KY: variants seen among roughly 807,000 people sequenced by gnomAD.
KY encodes the protein kyphoscoliosis peptidase.
Under a neutral mutation model 76.1 loss-of-function variants are expected in KY, and 43 were observed. The ratio of observed to expected loss-of-function variants is 0.57; its 90% CI spans 0.44 to 0.73. The LOEUF (loss-of-function observed/expected upper bound fraction) is 0.73. KY is among the 30% of genes least tolerant of loss of function. The pLI, the probability that KY is intolerant of heterozygous loss-of-function variation, is 0.00. For missense variants in KY, 722 were observed against 828.9 expected (o/e 0.87, Z 1.58); for synonymous variants, 277 against 326.2 (o/e 0.85, Z 1.63).
intron 2 of KY, among the ~76,000 whole-genome samples, chr3:134,643,825 GCTT>G (rs1966081862): frequency 2.5e-5 from 3 of 121,916 alleles, no homozygotes; most frequent in South Asian, 6.9e-4. Flanking sequence ...TGAGTCTCCT[GCTT>G]CTTTTTTTTT....
Position 134,608,987 on chromosome 3 carries a change from T to C in KY, c.900-148A>G, listed in dbSNP as rs555168643. 1.5e-5 allele frequency: 14 copies of C among 909,312 alleles called. No homozygotes were observed. In the South Asian group the frequency reaches 2.3e-4, roughly 15 times the overall value. 56.3% of individuals were successfully genotyped at this position (909,312 alleles called of 1,614,324 possible). On this transcript the variant is annotated intron_variant, in intron 9 of 10. Transcript: ENST00000423778. ...ATGGGCACTGGAGACTCCTCCTCAGTGGATGCTTCCAGAAATTGTAGTCAA... is the reference window on the plus strand; with the variant it reads ...ATGGGCACTGGAGACTCCTCCTCAGCGGATGCTTCCAGAAATTGTAGTCAA...
At chr3:134,648,205 T>C (rs2108045536) in intron 1 of KY, among the ~76,000 whole-genome samples, 1 of 152,326 alleles carries the variant, frequency 6.6e-6, no homozygotes, top group African/African-American at 2.4e-5. Context: ...TGCTCCTTGG[T>C]GGCCGAGGAG....
At chr3:134,619,314 G>A in intron 7 of KY, 49 bp from the exon 8 acceptor site, 1 of 1,414,422 alleles carries the variant, frequency 7.1e-7, no homozygotes, top group Non-Finnish European at 1.0e-6. Flanking sequence ...TGGGAGGCGA[G>A]AAGACTCCAC....
chr3:134,612,566 G>A (rs925625390), intron 8 of KY, among the ~76,000 whole-genome samples: 2 of 152,170 alleles, frequency 1.3e-5, no homozygotes, highest in African/African-American at 4.8e-5. Context: ...CAAGGCCAGA[G>A]GAGTGGGTAG....
intron 2 of KY, among the ~76,000 whole-genome samples, chr3:134,647,176 C>T (rs1354953304): frequency 6.6e-6 from 1 of 152,228 alleles, no homozygotes; most frequent in Non-Finnish European, 1.5e-5. Context: ...TCCCCTACGG[C>T]TCAGCCAGCA....
intron 2 of KY, among the ~76,000 whole-genome samples, chr3:134,645,146 G>A (rs907906508): frequency 1.3e-5 from 2 of 152,200 alleles, no homozygotes; most frequent in African/African-American, 4.8e-5. Context: ...GTGCTACTAG[G>A]CAGACTTTGT....
chr3:134,650,461 C>T (rs1028454327), intron 1 of KY, among the ~76,000 whole-genome samples: 4 of 152,172 alleles, frequency 2.6e-5, no homozygotes, highest in Admixed American at 2.6e-4. Flanking sequence ...GGGGAGCAGG[C>T]CTCTGCTACC....
At chr3:134,621,954 A>AT (rs1390732700) in intron 6 of KY, among the ~76,000 whole-genome samples, 16 of 152,374 alleles carry the variant, frequency 1.1e-4, no homozygotes, top group Non-Finnish European at 2.9e-5. Context: ...CAATAAGCAC[A>AT]TAAAAAAAAG....
In KY at chr3:134,610,401, G is replaced by T. The variant is rs559581656; in HGVS notation, c.711-18C>A. 1 of 1,600,024 alleles carries T rather than the reference G, an allele frequency of 6.2e-7. No individual in the cohort carries two copies. Among genetic ancestry groups the T allele is most frequent in the South Asian group, 1.1e-5 (1 of 90,048 alleles). ...CGGCGAGCCTGGGGGCAGGACAGGGGGTCTGAGAGGGGGATCCCGCTGTGG... is the reference window on the plus strand; with the variant it reads ...CGGCGAGCCTGGGGGCAGGACAGGGTGTCTGAGAGGGGGATCCCGCTGTGG... On this transcript the variant is annotated intron_variant, in intron 8 of 10. Transcript: ENST00000423778.
Position 134,620,827 on chromosome 3 carries a change from C to A in KY, c.514G>T (p.Val172Leu), listed in dbSNP as rs774364480. 3 of 1,612,926 alleles carry A rather than the reference C, an allele frequency of 1.9e-6. No individual in the cohort carries two copies. The South Asian group carries it at 3.3e-5, about 18-fold the overall frequency. ...VTAKSGLDEL[V>L]SDLLQEAHTD... is the part of the protein sequence containing the mutation. ...TGGGCCTCCTGGAGCAGGTCACTCA[C>A]CAGTTCGTCTAGGCCACTCTTGGCT... is the stretch of plus-strand genomic sequence containing the variant. Residue 172 changes from valine to leucine, a missense_variant, in exon 7 of 11, where the codon GTG becomes TTG. This residue lies in a region of KY where 552 missense variants were observed against 680.9 expected (regional missense o/e 0.81). Transcript: ENST00000423778.
chr3:134,637,494 A>G (rs1965133403), intron 3 of KY, among the ~76,000 whole-genome samples: 1 of 152,214 alleles, frequency 6.6e-6, no homozygotes, highest in Admixed American at 6.5e-5. Flanking sequence ...TGTAGTAAAG[A>G]ACTCTATTTG....
chr3:134,607,050 T>A, intron 10 of KY: 1 of 985,268 alleles, frequency 1.0e-6, no homozygotes, highest in Non-Finnish European at 1.2e-6. Flanking sequence ...AATTAAGGAA[T>A]CTGGTGTTTA....
At chr3:134,629,143 A>G (rs1963888124) in intron 4 of KY, among the ~76,000 whole-genome samples, 1 of 152,246 alleles carries the variant, frequency 6.6e-6, no homozygotes, top group African/African-American at 2.4e-5. Flanking sequence ...TTAAGACCAC[A>G]GGCTTCAGAG....
chr3:134,644,800 C>A (rs761550501), intron 2 of KY, among the ~76,000 whole-genome samples: 2 of 152,218 alleles, frequency 1.3e-5, no homozygotes, highest in Non-Finnish European at 2.9e-5. Context: ...CTGACAGAGT[C>A]CTGCCCTGGA....
intron 3 of KY, among the ~76,000 whole-genome samples, chr3:134,637,694 C>T (rs1392744212): frequency 6.6e-6 from 1 of 152,220 alleles, no homozygotes; most frequent in East Asian, 1.9e-4. Flanking sequence ...TTTATCGCTT[C>T]AGGCAGCCAC....
intron 9 of KY, among the ~76,000 whole-genome samples, chr3:134,609,767 C>A (rs906775799): frequency 6.6e-6 from 1 of 152,150 alleles, no homozygotes; most frequent in Non-Finnish European, 1.5e-5. Context: ...CTCACTCAGA[C>A]CTGAGAGGAG....
At chr3:134,613,463 A>T (rs1340994000) in intron 8 of KY, among the ~76,000 whole-genome samples, 1 of 152,118 alleles carries the variant, frequency 6.6e-6, no homozygotes, top group Non-Finnish European at 1.5e-5. Flanking sequence ...TACTGCTCTG[A>T]GTGGGGGTGA....
intron 1 of KY, among the ~76,000 whole-genome samples, chr3:134,650,620 T>TC (rs1056412878): frequency 7.9e-5 from 12 of 152,212 alleles, no homozygotes; most frequent in Middle Eastern, 3.4e-3. Flanking sequence ...ACTGGGGCAA[T>TC]CACGGGGCTG....
At position 134,602,176 on chromosome 3, in the gene KY, C is replaced by T. The variant is rs748485231; in HGVS notation, c.*1403G>A. The stretch of plus-strand genomic sequence containing the variant: ...CCAGGGGCCACGGAGCTGGAGAAGC[C>T]GGGAGTTCAGCAGGGAGCATGTCTG... On this transcript the variant is annotated 3_prime_UTR_variant, in exon 11 of 11. Coordinates refer to ENST00000423778, the MANE Select transcript of KY (RefSeq NM_178554.6). Among the ~76,000 whole-genome samples the T allele has an allele frequency of 6.6e-6, 1 of 152,200 alleles. No individual in the cohort carries two copies. The highest frequency in any genetic ancestry group is 2.1e-4 in the South Asian group (1 of 4,824).
Sources: allele counts gnomAD v4.1 joint callset (sites outside exome capture counted in the v4.1 genomes callset), GRCh38; gene constraint gnomAD v4.1.1; regional missense constraint gnomAD v4.1.1; transcripts MANE v1.5; gene names NCBI Gene and HGNC (gene_info 2026-07-23, HGNC 2026-07-21).